Variants in KAZN observed in about 807,000 individuals in gnomAD.
KAZN encodes the protein kazrin, periplakin interacting protein.
Under a neutral mutation model 87.4 loss-of-function variants are expected in KAZN, and 40 were observed. The observed-to-expected ratio is 0.46, with a 90% CI of 0.36 to 0.60. The LOEUF is 0.60. Ranked by LOEUF, KAZN falls within the 20% of genes least tolerant of loss-of-function variation. The pLI is 0.00. For synonymous variants in KAZN, 466 were observed against 458.3 expected (o/e 1.02, Z -0.22); for missense variants, 898 against 1,073.9 (o/e 0.84, Z 2.29).
intron 1 of KAZN, among the ~76,000 whole-genome samples, chr1:14,683,723 C>T (rs996177206): frequency 2.6e-5 from 4 of 152,194 alleles, no homozygotes; most frequent in Non-Finnish European, 4.4e-5. Context: ...GGAAAGGTTC[C>T]CAAACTTAGA....
intron 2 of KAZN, among the ~76,000 whole-genome samples, chr1:14,197,019 A>G (rs55777650): frequency 0.075 from 11,390 of 152,026 alleles, 593 homozygotes; most frequent in African/African-American, 0.14. Flanking sequence ...TGATCACTGG[A>G]GGCAGCAATG....
At chr1:15,098,648 C>T (rs773982668) in intron 10 of KAZN, among the ~76,000 whole-genome samples, 7 of 152,362 alleles carry the variant, frequency 4.6e-5, no homozygotes, top group South Asian at 2.1e-4. Flanking sequence ...CCGAGAGAAC[C>T]GTCCTGTAAC....
At chr1:13,923,590 A>T (rs1276737127) in intron 1 of KAZN, among the ~76,000 whole-genome samples, 2 of 150,860 alleles carry the variant, frequency 1.3e-5, no homozygotes, top group Non-Finnish European at 2.9e-5. Flanking sequence ...AAAAAAAAAA[A>T]AATATAATTA....
intron 1 of KAZN, among the ~76,000 whole-genome samples, chr1:14,614,300 AC>A (rs1247636673): frequency 6.6e-6 from 1 of 152,202 alleles, no homozygotes; most frequent in Non-Finnish European, 1.5e-5. Context: ...CTTATAATAA[AC>A]CACTCTCTTT....
At chr1:14,300,354 C>T (rs1298811804) in intron 2 of KAZN, among the ~76,000 whole-genome samples, 3 of 152,112 alleles carry the variant, frequency 2.0e-5, no homozygotes, top group African/African-American at 7.2e-5. Context: ...ACATCAGCCT[C>T]CCAAGGAACT....
At chr1:14,326,840 C>T (rs187562707) in intron 2 of KAZN, among the ~76,000 whole-genome samples, 2 of 152,172 alleles carry the variant, frequency 1.3e-5, no homozygotes, top group Admixed American at 6.5e-5. Context: ...TGACCTTCTC[C>T]GTGATTTTTC....
intron 2 of KAZN, among the ~76,000 whole-genome samples, chr1:14,393,088 T>C (rs1193098648): frequency 6.6e-6 from 1 of 152,170 alleles, no homozygotes; most frequent in Non-Finnish European, 1.5e-5. Context: ...ACTTGAATAT[T>C]GTTTGTTTTT....
intron 1 of KAZN, among the ~76,000 whole-genome samples, chr1:14,672,519 T>A (rs1397896529): frequency 6.6e-6 from 1 of 152,146 alleles, no homozygotes; most frequent in Non-Finnish European, 1.5e-5. Flanking sequence ...TCGTTTTAGA[T>A]CCCGCCCAAA....
intron 2 of KAZN, 65 bp downstream of exon 2, chr1:14,960,940 C>A: frequency 6.7e-7 from 1 of 1,501,410 alleles, no homozygotes; most frequent in Non-Finnish European, 9.0e-7. Context: ...TGGAGTCCTC[C>A]CCATGCAGGG....
intron 2 of KAZN, among the ~76,000 whole-genome samples, chr1:14,231,263 T>A (rs891906148): frequency 6.6e-6 from 1 of 152,222 alleles, no homozygotes; most frequent in Non-Finnish European, 1.5e-5. Flanking sequence ...TCCTGAGATA[T>A]AAATGCAATC....
At chr1:14,490,275 C>T (rs543956543) in intron 2 of KAZN, among the ~76,000 whole-genome samples, 8 of 152,180 alleles carry the variant, frequency 5.3e-5, no homozygotes, top group African/African-American at 1.7e-4. Context: ...AAAAATTTAC[C>T]CTTTATCTGC....
chr1:14,721,225 A>T lies in KAZN; in HGVS notation c.226+122002A>T, dbSNP rs1474662728. Among the ~76,000 whole-genome samples the T allele has an allele frequency of 2.6e-5, 4 of 152,266 alleles. No homozygotes were observed. The East Asian group carries it at 7.7e-4, about 29-fold the overall frequency. On this transcript the variant is annotated intron_variant, in intron 1 of 14. Coordinates refer to ENST00000376030, the MANE Select transcript of KAZN (RefSeq NM_201628.3). ...GGACCCAATGGGAGGTAATTGAATC[A>T]TGGGGGTGGTTACCTCCATGCTATT...
rs1416775795 is a variant in KAZN, at chr1:14,598,705, C to T, written c.-293C>T. The T allele has an allele frequency of 1.5e-6, 2 of 1,314,422 alleles. No individual in the cohort carries two copies. The highest frequency in any genetic ancestry group is 1.9e-6 in the Non-Finnish European group (2 of 1,040,042). 81.4% of individuals were successfully genotyped at this position (1,314,422 alleles called of 1,614,324 possible). On this transcript the variant is annotated 5_prime_UTR_variant, in exon 1 of 15. Coordinates refer to ENST00000376030, the MANE Select transcript of KAZN (RefSeq NM_201628.3). This position sits in a 1 kb window ranked among gnomAD's most constrained non-coding sequence, Gnocchi z 4.2. The stretch of plus-strand genomic sequence containing the variant: ...GTGTCCTTCTTGGAGCAGCTCTCGG[C>T]GCCCGCCCGCCGGGGTCTCGGCGAT...
intron 1 of KAZN, among the ~76,000 whole-genome samples, chr1:14,919,068 A>G (rs558829859): frequency 5.3e-5 from 8 of 152,296 alleles, no homozygotes; most frequent in African/African-American, 1.9e-4. Flanking sequence ...GAGAAAGGAT[A>G]AAAAAGAGCA....
intron 3 of KAZN, among the ~76,000 whole-genome samples, chr1:15,040,457 TC>T (rs1672771165): frequency 6.6e-6 from 1 of 151,994 alleles, no homozygotes; most frequent in Non-Finnish European, 1.5e-5. Flanking sequence ...AAAGGAGGGG[TC>T]TTGGCCTGTC....
chr1:15,041,342 T>TG (rs950679098), intron 3 of KAZN, among the ~76,000 whole-genome samples: 3 of 134,152 alleles, frequency 2.2e-5, no homozygotes, highest in African/African-American at 7.7e-5. Flanking sequence ...TTTTTTTTTT[T>TG]TTTTGTTTTT....
At chr1:13,988,460 T>G (rs1170729477) in intron 1 of KAZN, among the ~76,000 whole-genome samples, 2 of 152,214 alleles carry the variant, frequency 1.3e-5, no homozygotes, top group Non-Finnish European at 2.9e-5. Context: ...CTTTTACTTA[T>G]GATTTCATCC....
intron 2 of KAZN, among the ~76,000 whole-genome samples, chr1:14,533,354 A>G (rs1672316279): frequency 2.0e-5 from 3 of 152,224 alleles, no homozygotes; most frequent in South Asian, 4.1e-4. Flanking sequence ...ACCTGTTTCT[A>G]GTTAAAGGCA....
intron 1 of KAZN, among the ~76,000 whole-genome samples, chr1:14,154,579 T>C (rs1490578920): frequency 3.9e-5 from 6 of 152,290 alleles, no homozygotes; most frequent in African/African-American, 1.4e-4. Context: ...CTTCAGATCT[T>C]AGGGGAAAGG....
Sources: allele counts gnomAD v4.1 joint callset (sites outside exome capture counted in the v4.1 genomes callset), GRCh38; gene constraint gnomAD v4.1.1; non-coding constraint Gnocchi (gnomAD v3.1); transcripts MANE v1.5; gene names NCBI Gene and HGNC (gene_info 2026-07-23, HGNC 2026-07-21).